Variants in ITSN1 observed in about 807,000 individuals in gnomAD.
ITSN1 encodes intersectin-1.
Under a neutral mutation model 239.8 loss-of-function variants are expected in ITSN1, and 58 were observed. The ratio of observed to expected loss-of-function variants is 0.24; its 90% CI spans 0.20 to 0.30. ITSN1 has a LOEUF of 0.30. Among genes scored for constraint, ITSN1 ranks in the 10% least tolerant of loss-of-function variants. The pLI is 1.00. For synonymous variants in ITSN1, 780 were observed against 770.8 expected (o/e 1.01, Z -0.20); for missense variants, 1,558 against 2,103.3 (o/e 0.74, Z 5.07).
intron 1 of ITSN1, among the ~76,000 whole-genome samples, chr21:33,666,618 C>T (rs1219080163): frequency 6.6e-6 from 1 of 152,052 alleles, no homozygotes; most frequent in Non-Finnish European, 1.5e-5. Flanking sequence ...TTGTTTTATT[C>T]TCTTGTAAAT....
At chr21:33,777,675 G>A (rs1415772680) in intron 14 of ITSN1, among the ~76,000 whole-genome samples, 1 of 152,118 alleles carries the variant, frequency 6.6e-6, no homozygotes, top group Non-Finnish European at 1.5e-5. Context: ...GTATTTTGTG[G>A]CTTTTGATGC....
intron 1 of ITSN1, among the ~76,000 whole-genome samples, chr21:33,659,088 G>A (rs2089334017): frequency 6.6e-6 from 1 of 152,158 alleles, no homozygotes. Flanking sequence ...AAGAGAGAGG[G>A]ACTGGAAATT....
At position 33,818,325 on chromosome 21, in the gene ITSN1, A is replaced by G. The variant is rs2073422913; in HGVS notation, c.2786A>G (p.Asp929Gly). ...CTATATCCTTGGAGAGCCAAAAAAG[A>G]CAACCACTTAAATTTTAACAAAAAT... The part of the protein sequence containing the change: ...QALYPWRAKK[D>G]NHLNFNKNDV... Residue 929 changes from aspartate (D) to glycine (G), a missense_variant, in exon 23 of 40, where the codon GAC (aspartate) becomes GGC (glycine). Around this residue, in one of 2 missense-constraint regions of ITSN1, gnomAD observed 982 missense variants for 1,209.9 expected, o/e 0.81. Coordinates refer to ENST00000381318, the MANE Select transcript of ITSN1 (RefSeq NM_003024.3). 5 of 1,614,254 alleles carry G rather than the reference A, an allele frequency of 3.1e-6. No individual in the cohort carries two copies. The highest frequency in any genetic ancestry group is 4.2e-6 in the Non-Finnish European group (5 of 1,180,036).
intron 1 of ITSN1, among the ~76,000 whole-genome samples, chr21:33,675,217 C>T (rs897184370): frequency 6.6e-6 from 1 of 152,040 alleles, no homozygotes; most frequent in Non-Finnish European, 1.5e-5. Context: ...TCCACTGGCC[C>T]CTCCCATTTC....
intron 29 of ITSN1, among the ~76,000 whole-genome samples, chr21:33,842,495 G>GGTGTGTGTGTGTGTGTGT (rs34019939): frequency 6.8e-6 from 1 of 148,066 alleles, no homozygotes; most frequent in African/African-American, 2.5e-5. Context: ...TGATGTCAAC[G>GGTGTGTGTGTGTGTGTGT]GTGTGTGTGT....
chr21:33,653,069 A>C (rs1182132379), intron 1 of ITSN1, among the ~76,000 whole-genome samples: 1 of 149,730 alleles, frequency 6.7e-6, no homozygotes, highest in Non-Finnish European at 1.5e-5. Flanking sequence ...GTCTTGGCTC[A>C]CTGCAACCTC....
At chr21:33,750,119 T>C in intron 5 of ITSN1, 24 bp from the exon 6 acceptor site, 1 of 1,609,556 alleles carries the variant, frequency 6.2e-7, no homozygotes, top group Non-Finnish European at 8.5e-7. Flanking sequence ...ATGTGAATGG[T>C]GTTGAGCTGT....
chr21:33,659,890 A>T (rs889966063), intron 1 of ITSN1, among the ~76,000 whole-genome samples: 3 of 150,776 alleles, frequency 2.0e-5, no homozygotes, highest in African/African-American at 7.3e-5. Context: ...TGGCTAATTT[A>T]AAAAAAAATT....
intron 5 of ITSN1, among the ~76,000 whole-genome samples, chr21:33,747,404 A>G (rs368005812): frequency 6.6e-6 from 1 of 152,162 alleles, no homozygotes; most frequent in East Asian, 1.9e-4. Context: ...TCATGAGAGA[A>G]AGGTACAGAA....
At chr21:33,822,006 A>G (rs1293475726) in intron 24 of ITSN1, among the ~76,000 whole-genome samples, 1 of 152,172 alleles carries the variant, frequency 6.6e-6, no homozygotes, top group African/African-American at 2.4e-5. Context: ...CATTTTTCCA[A>G]TTTTCACTGT....
intron 4 of ITSN1, among the ~76,000 whole-genome samples, chr21:33,724,518 C>T (rs1334632141): frequency 6.6e-6 from 1 of 152,218 alleles, no homozygotes; most frequent in African/African-American, 2.4e-5. Context: ...CCATCAGGAC[C>T]TCTCGCTGGA....
At chr21:33,689,907 G>A (rs1054680106) in intron 1 of ITSN1, among the ~76,000 whole-genome samples, 1 of 150,910 alleles carries the variant, frequency 6.6e-6, no homozygotes, top group Admixed American at 6.6e-5. Flanking sequence ...GGTGGAGGTT[G>A]CAGTGAGCTG....
At chr21:33,676,260 C>T (rs972363495) in intron 1 of ITSN1, among the ~76,000 whole-genome samples, 10 of 152,094 alleles carry the variant, frequency 6.6e-5, no homozygotes, top group Admixed American at 5.2e-4. Flanking sequence ...TAGGATTACA[C>T]GCATGAGCCA....
intron 25 of ITSN1, among the ~76,000 whole-genome samples, chr21:33,824,422 AAAC>A (rs2073866833): frequency 1.3e-5 from 2 of 152,086 alleles, no homozygotes; most frequent in African/African-American, 4.8e-5. Flanking sequence ...ACATTTAAAA[AAAC>A]CAACAAGAAT....
At chr21:33,861,519 C>A (rs1036336678) in intron 31 of ITSN1, among the ~76,000 whole-genome samples, 3 of 152,194 alleles carry the variant, frequency 2.0e-5, no homozygotes, top group Non-Finnish European at 1.5e-5. Context: ...AGGGTTAGAG[C>A]AAATGGCTGG....
At chr21:33,742,131 A>G (rs1254357844) in intron 5 of ITSN1, among the ~76,000 whole-genome samples, 1 of 144,670 alleles carries the variant, frequency 6.9e-6, no homozygotes, top group Non-Finnish European at 1.5e-5. Flanking sequence ...TTCTCGGCTC[A>G]CTGCAACCTC....
rs376837429 is a variant in ITSN1, at chr21:33,894,744, C to A, written c.*6444C>A. 6.6e-6 allele frequency: 1 copy of A among 152,224 alleles called. No homozygotes were observed. Among genetic ancestry groups the A allele is most frequent in the Admixed American group, 6.5e-5 (1 of 15,284 alleles). 9.4% of individuals were successfully genotyped at this position (152,224 alleles called of 1,614,324 possible). ...TGCATTTCTCTTTTTTAACTCAAATCTCTTATTTCCTGCCGTTCCTGTATC... is the reference window on the plus strand; with the variant it reads ...TGCATTTCTCTTTTTTAACTCAAATATCTTATTTCCTGCCGTTCCTGTATC... On this transcript the variant is annotated 3_prime_UTR_variant, in exon 40 of 40. Transcript: ENST00000381318.
chr21:33,789,409 G>A (rs1356061789), intron 16 of ITSN1, among the ~76,000 whole-genome samples: 1 of 151,990 alleles, frequency 6.6e-6, no homozygotes, highest in Non-Finnish European at 1.5e-5. Flanking sequence ...ATTTTATCTT[G>A]ATTTATGGTT....
At chr21:33,652,480 A>G (rs573786885) in intron 1 of ITSN1, among the ~76,000 whole-genome samples, 3 of 152,256 alleles carry the variant, frequency 2.0e-5, no homozygotes, top group South Asian at 2.1e-4. Context: ...TTTTTGCTAC[A>G]TCGTCATATA....
Sources: gnomAD v4.1 joint callset for allele counts (sites outside exome capture counted in the v4.1 genomes callset) on GRCh38, gnomAD v4.1.1 for gene constraint, gnomAD v4.1.1 regional missense constraint, MANE v1.5 for transcripts, NCBI Gene and HGNC (gene_info 2026-07-23, HGNC 2026-07-21) for gene names.